PKD1L1: variants seen among roughly 807,000 people sequenced by gnomAD.
PKD1L1 encodes the protein polycystin-1-like protein 1.
In PKD1L1, 236 loss-of-function variants were observed where a neutral mutation model predicts 323.4. That is an observed-to-expected ratio of 0.73 (90% CI 0.66 to 0.81). The LOEUF (loss-of-function observed/expected upper bound fraction) is 0.81. Among genes scored for constraint, PKD1L1 ranks in the 40% least tolerant of loss-of-function variants. PKD1L1 has a pLI of 0.00. For missense variants in PKD1L1, 3,320 were observed against 3,508.0 expected (o/e 0.95, Z 1.35); for synonymous variants, 1,344 against 1,335.0 (o/e 1.01, Z -0.15).
In PKD1L1 at chr7:47,877,595, T is replaced by C. The variant is rs910119898; in HGVS notation, c.3557A>G (p.Tyr1186Cys). 1.2e-6 allele frequency: 2 copies of C among 1,614,158 alleles called. No individual in the cohort carries two copies. Among genetic ancestry groups the C allele is most frequent in the Non-Finnish European group, 1.7e-6 (2 of 1,180,006 alleles). ...KHGLLGKAQL[Y>C]LTVNPAPRDM... ...CCGAGGAGCCGGGTTGACTGTCAAG[T>C]ACAGCTGAGCTTTACCCAGTAAGCC... is the stretch of plus-strand genomic sequence containing the variant. The change falls in exon 22 of 57, where the codon TAC becomes TGC. Residue 1186 changes from tyrosine (Y) to cysteine (C), a missense_variant. Coordinates refer to ENST00000289672, the MANE Select transcript of PKD1L1 (RefSeq NM_138295.5).
the PKD1L1 span, among the ~76,000 whole-genome samples, chr7:47,954,047 T>C: frequency 6.6e-6 from 1 of 152,216 alleles, no homozygotes; most frequent in Non-Finnish European, 1.5e-5. Flanking sequence ...TGTATATATG[T>C]AGCCTCCTTT....
At chr7:47,912,788 C>T (rs187527507) in intron 8 of PKD1L1, among the ~76,000 whole-genome samples, 378 of 136,932 alleles carry the variant, frequency 2.8e-3, no homozygotes, top group East Asian at 8.9e-3. Context: ...TGTACTCCAG[C>T]CTGGGCAACA....
chr7:47,901,419 T>C (rs919911779), intron 13 of PKD1L1, among the ~76,000 whole-genome samples: 1 of 152,096 alleles, frequency 6.6e-6, no homozygotes, highest in African/African-American at 2.4e-5. Flanking sequence ...ATAACAATGT[T>C]TTACAGATAA....
intron 46 of PKD1L1, among the ~76,000 whole-genome samples, chr7:47,816,412 A>G (rs549802643): frequency 8.5e-5 from 13 of 152,244 alleles, no homozygotes; most frequent in Non-Finnish European, 1.3e-4. Flanking sequence ...AAGGCTGTGC[A>G]TGGCAGCAGC....
At chr7:47,936,154 G>GT (rs905414371) in intron 4 of PKD1L1, among the ~76,000 whole-genome samples, 1 of 152,056 alleles carries the variant, frequency 6.6e-6, no homozygotes, top group African/African-American at 2.4e-5. Context: ...GTGCTATTGT[G>GT]TTTTTTTAAA....
chr7:47,854,128 TGA>T (rs1785845440), intron 30 of PKD1L1, among the ~76,000 whole-genome samples: 1 of 152,180 alleles, frequency 6.6e-6, no homozygotes, highest in African/African-American at 2.4e-5. Flanking sequence ...TTTGGCAGAA[TGA>T]GAGTCAGGCC....
At chr7:47,829,673 C>T (rs554963587) in intron 43 of PKD1L1, 72 bp from the exon 44 acceptor site, 73 of 1,440,122 alleles carry the variant, frequency 5.1e-5, no homozygotes, top group Non-Finnish European at 6.4e-5. Flanking sequence ...GCTGTCCTCC[C>T]GTCCCCTAAT....
At chr7:47,832,827 A>G (rs867103979) in intron 41 of PKD1L1, among the ~76,000 whole-genome samples, 1 of 152,358 alleles carries the variant, frequency 6.6e-6, no homozygotes. Context: ...AAACTCCAGA[A>G]TACTTTAAAA....
intron 24 of PKD1L1, among the ~76,000 whole-genome samples, chr7:47,869,758 A>C (rs1474795158): frequency 6.6e-6 from 1 of 152,224 alleles, no homozygotes; most frequent in Non-Finnish European, 1.5e-5. Flanking sequence ...TAACCATTGA[A>C]CATTTAGCCA....
chr7:47,788,752 C>T (rs1237409676), intron 56 of PKD1L1, among the ~76,000 whole-genome samples: 1 of 151,590 alleles, frequency 6.6e-6, no homozygotes, highest in Non-Finnish European at 1.5e-5. Flanking sequence ...CCCGCCACCA[C>T]ACCCGGCTAA....
intron 46 of PKD1L1, among the ~76,000 whole-genome samples, chr7:47,817,459 C>T (rs190816866): frequency 1.3e-3 from 190 of 151,996 alleles, no homozygotes; most frequent in African/African-American, 4.5e-3. Context: ...ATAGTCATGA[C>T]AATAATTGGA....
chr7:47,823,915 T>C (rs1280658668), intron 45 of PKD1L1, among the ~76,000 whole-genome samples: 2 of 152,190 alleles, frequency 1.3e-5, no homozygotes, highest in Admixed American at 6.5e-5. Context: ...GTGGGTGTTG[T>C]TACCAGCTCA....
chr7:47,880,536 C>T (rs1786529360), intron 21 of PKD1L1, among the ~76,000 whole-genome samples, 192 bp downstream of exon 21: 2 of 126,376 alleles, frequency 1.6e-5, no homozygotes, highest in South Asian at 4.8e-4. Flanking sequence ...CCTGCCTCGG[C>T]CTCCCAAAGT....
chr7:47,880,047 T>C (rs966806033), intron 21 of PKD1L1, among the ~76,000 whole-genome samples: 6 of 150,860 alleles, frequency 4.0e-5, no homozygotes, highest in African/African-American at 1.5e-4. Flanking sequence ...TGATCTCAGA[T>C]TGAGATAGGC....
intron 17 of PKD1L1, among the ~76,000 whole-genome samples, chr7:47,887,219 T>C (rs1786704653): frequency 6.6e-6 from 1 of 152,210 alleles, no homozygotes; most frequent in Non-Finnish European, 1.5e-5. Context: ...AAGCTCTACT[T>C]GTGGAAGCTT....
Position 47,795,210 on chromosome 7 carries a change from A to T in PKD1L1, c.8355+779T>A, listed in dbSNP as rs1320010813. ...CCCTATTCAAATCTCAACTAGAATTATATCTCCCAGAATTCCCACATGTTG... is the reference window on the plus strand; with the variant it reads ...CCCTATTCAAATCTCAACTAGAATTTTATCTCCCAGAATTCCCACATGTTG... On this transcript the variant is annotated intron_variant, in intron 55 of 56. Transcript: ENST00000289672. 1.4e-4 allele frequency: 48 copies of T among 352,170 alleles called. 1 individual carries two copies. The highest frequency in any genetic ancestry group is 1.0e-3 in the South Asian group (47 of 46,524). The allele number at this position is 352,170 out of a possible 1,614,324, so 21.8% of individuals were successfully genotyped here.
intron 30 of PKD1L1, among the ~76,000 whole-genome samples, chr7:47,854,331 C>T (rs1785850277): frequency 6.6e-6 from 1 of 152,138 alleles, no homozygotes; most frequent in African/African-American, 2.4e-5. Flanking sequence ...GATCAAGGCC[C>T]TGCCCATCCA....
In PKD1L1 at chr7:47,796,124, G is replaced by C. The variant is rs750883247; in HGVS notation, c.8220C>G (p.Pro2740=). 3 of 1,605,678 alleles carry C rather than the reference G, an allele frequency of 1.9e-6. No individual in the cohort carries two copies. The highest frequency in any genetic ancestry group is 3.5e-5 in the Admixed American group (2 of 57,960). ...GMLRGFLMTL[P]QKRKSFQSKS... Reference sequence around the variant, plus strand: ...TACTTTGAAAAGATTTTCTTTTTTGGGGTAAAGTCATGAGAAAACCTCTCA... The same window carrying C: ...TACTTTGAAAAGATTTTCTTTTTTGCGGTAAAGTCATGAGAAAACCTCTCA... The change falls in exon 55 of 57, where the codon CCC becomes CCG. Residue 2740 remains proline (P), a synonymous_variant. Coordinates refer to ENST00000289672, the MANE Select transcript of PKD1L1 (RefSeq NM_138295.5).
rs1284031229 is a variant in PKD1L1, at chr7:47,943,458, G to A, written c.98C>T (p.Thr33Ile). The change falls in exon 2 of 57, where the codon ACT (threonine) becomes ATT (isoleucine). Residue 33 changes from threonine to isoleucine, a missense_variant. Thr to Ile is a moderately conservative substitution (Grantham distance 89). Transcript: ENST00000289672. ...LSFGGELSVS[T>I]DKSWGLHLCS... ...CAGATGAAGACCCCAGCTCTTGTCA[G>A]TGCTCACAGACAGCTCACCACCAAA... 6.2e-7 allele frequency: 1 copy of A among 1,613,422 alleles called. No homozygotes were observed. The highest frequency in any genetic ancestry group is 1.3e-5 in the African/African-American group (1 of 74,868).
Sources: gnomAD v4.1 joint callset for allele counts (sites outside exome capture counted in the v4.1 genomes callset) on GRCh38, gnomAD v4.1.1 for gene constraint, MANE v1.5 for transcripts, NCBI Gene and HGNC (gene_info 2026-07-23, HGNC 2026-07-21) for gene names.